The following INSR variants were observed in gnomAD, a reference collection of about 807,000 sequenced individuals.
INSR encodes the protein IR.
A neutral mutation model predicts 142.6 loss-of-function variants in INSR; 67 were observed. The observed-to-expected ratio is 0.47, with a 90% CI of 0.39 to 0.58. INSR has a LOEUF of 0.58. Ranked by LOEUF, INSR falls within the 20% of genes least tolerant of loss-of-function variation. INSR has a pLI of 0.00. For missense variants in INSR, 1,248 were observed against 1,833.2 expected (o/e 0.68, Z 5.83); for synonymous variants, 756 against 743.1 (o/e 1.02, Z -0.28).
At chr19:7,218,484 GT>G (rs1297122011) in intron 2 of INSR, among the ~76,000 whole-genome samples, 3 of 152,036 alleles carry the variant, frequency 2.0e-5, no homozygotes, top group Non-Finnish European at 4.4e-5. Context: ...CTTGCCTCTT[GT>G]TTTTTGTTTT....
Position 7,273,723 on chromosome 19 carries a change from G to T in INSR, c.101-5827C>A, listed in dbSNP as rs369825576. ...AGTAGAGATGGGATTTCATCATGTT[G>T]GCCAGGCTGGTCTCGAACTCTGACC... On this transcript the variant is annotated intron_variant, in intron 1 of 21. Transcript: ENST00000302850. 1.3e-4 allele frequency among the ~76,000 whole-genome samples: 19 copies of T among 151,652 alleles called. No individual in the cohort carries two copies. In the East Asian group the frequency reaches 1.8e-3, roughly 14 times the overall value.
chr19:7,118,587 G>A (rs1016463040), intron 21 of INSR, among the ~76,000 whole-genome samples: 4 of 151,798 alleles, frequency 2.6e-5, no homozygotes, highest in African/African-American at 9.7e-5. Context: ...AAATTGCTTG[G>A]GATTACAGGC....
chr19:7,217,206 T>G (rs1975462740), intron 2 of INSR, among the ~76,000 whole-genome samples: 1 of 152,108 alleles, frequency 6.6e-6, no homozygotes, highest in Non-Finnish European at 1.5e-5. Context: ...GTTACAAAGG[T>G]TGGTTCCTTC....
At chr19:7,277,598 G>A (rs981165059) in intron 1 of INSR, among the ~76,000 whole-genome samples, 1 of 152,082 alleles carries the variant, frequency 6.6e-6, no homozygotes, top group South Asian at 2.1e-4. Context: ...GGGAGTTCAA[G>A]ACCAGCCTGG....
chr19:7,147,019 A>G (rs1973201955), intron 11 of INSR, among the ~76,000 whole-genome samples: 1 of 152,096 alleles, frequency 6.6e-6, no homozygotes, highest in Non-Finnish European at 1.5e-5. Flanking sequence ...TAATTTATCA[A>G]TCCATTTAAG....
rs137913471 is a variant in INSR, at chr19:7,119,764, A to G, written c.3660-181T>C. Among the ~76,000 whole-genome samples, 1,730 of 133,140 alleles carry G rather than the reference A, an allele frequency of 0.013. 26 individuals carry two copies. Among genetic ancestry groups the G allele is most frequent in the African/African-American group, 0.05 (1,606 of 32,106 alleles). 87.3% of individuals were successfully genotyped at this position (133,140 alleles called of 152,430 possible). On this transcript the variant is annotated intron_variant, in intron 20 of 21. Transcript: ENST00000302850. This position sits in a 1 kb window ranked among gnomAD's most constrained non-coding sequence, Gnocchi z 5.2. Reference sequence around the variant, plus strand: ...CACGTGCACACACATGCAAATACACACAAACACGCATGCGCACACATGCAC... The same window carrying G: ...CACGTGCACACACATGCAAATACACGCAAACACGCATGCGCACACATGCAC...
intron 1 of INSR, among the ~76,000 whole-genome samples, chr19:7,281,643 C>T (rs1386032593): frequency 2.0e-5 from 3 of 151,878 alleles, no homozygotes; most frequent in East Asian, 1.9e-4. Context: ...ATCACACCAC[C>T]GCACTCCAGC....
chr19:7,294,127 G>C lies in INSR; in HGVS notation c.-236C>G. On this transcript the variant is annotated 5_prime_UTR_variant, in exon 1 of 22. Coordinates refer to ENST00000302850, the MANE Select transcript of INSR (RefSeq NM_000208.4). The stretch of plus-strand genomic sequence containing the variant: ...CGGAGGCCCTTGCGGTGGTGGCCCC[G>C]ACCCCCCGGCCGCTGCGGCCCGGGC... 4.6e-6 allele frequency: 1 copy of C among 218,338 alleles called. No individual in the cohort carries two copies. Among genetic ancestry groups the C allele is most frequent in the Admixed American group, 6.0e-5 (1 of 16,540 alleles). 13.5% of individuals were successfully genotyped at this position (218,338 alleles called of 1,614,324 possible).
chr19:7,217,720 T>G (rs898497997), intron 2 of INSR, among the ~76,000 whole-genome samples: 1 of 152,124 alleles, frequency 6.6e-6, no homozygotes, highest in Non-Finnish European at 1.5e-5. Flanking sequence ...CCACCACACC[T>G]GGCTAATTTT....
At chr19:7,210,198 A>G (rs1013874947) in intron 2 of INSR, among the ~76,000 whole-genome samples, 1 of 152,016 alleles carries the variant, frequency 6.6e-6, no homozygotes, top group Non-Finnish European at 1.5e-5. Context: ...TACAAAAATT[A>G]GTCAGGTGTG....
intron 2 of INSR, among the ~76,000 whole-genome samples, chr19:7,257,550 A>T (rs1353008669): frequency 6.6e-6 from 1 of 151,336 alleles, no homozygotes; most frequent in African/African-American, 2.4e-5. Context: ...AAAAAATGCT[A>T]ATCATCTGAG....
chr19:7,128,806 A>G, intron 15 of INSR, 46 bp downstream of exon 15: 1 of 1,351,656 alleles, frequency 7.4e-7, no homozygotes, highest in South Asian at 1.2e-5. Flanking sequence ...GTTTTCCCCC[A>G]GAGAACCAAC....
chr19:7,193,728 C>T (rs1346845303), intron 2 of INSR, among the ~76,000 whole-genome samples: 1 of 151,940 alleles, frequency 6.6e-6, no homozygotes, highest in Non-Finnish European at 1.5e-5. Context: ...CTCACTCTGT[C>T]GCCCAGGCTG....
At position 7,172,334 on chromosome 19, in the gene INSR, G is replaced by A; in HGVS notation, c.1224C>T (p.Phe408=). 2 of 1,614,158 alleles carry A rather than the reference G, an allele frequency of 1.2e-6. No individual in the cohort carries two copies. The highest frequency in any genetic ancestry group is 1.7e-6 in the Non-Finnish European group (2 of 1,180,030). ...CTCGAATCAGACGTAACTTCCGGAAGAAGGAAAGTGACACCAGAGCGTAGG... is the reference window on the plus strand; with the variant it reads ...CTCGAATCAGACGTAACTTCCGGAAAAAGGAAAGTGACACCAGAGCGTAGG... ...RRSYALVSLS[F]FRKLRLIRGE... is the part of the protein sequence containing the mutation. Residue 408 remains phenylalanine (F), a synonymous_variant, in exon 5 of 22, where the codon TTC becomes TTT. Transcript: ENST00000302850.
chr19:7,217,724 TA>T (rs1250155445), intron 2 of INSR, among the ~76,000 whole-genome samples: 1 of 152,152 alleles, frequency 6.6e-6, no homozygotes, highest in Non-Finnish European at 1.5e-5. Context: ...CACACCTGGC[TA>T]ATTTTTTGTA....
chr19:7,238,438 G>T lies in INSR; in HGVS notation c.652+28907C>A, dbSNP rs777834532. On this transcript the variant is annotated intron_variant, in intron 2 of 21. Transcript: ENST00000302850. ...AGTTCAAGACCAGCCTGGCCAACAT[G>T]GTGAAACCCCATCTCTACTAAAAAA... is the stretch of plus-strand genomic sequence containing the variant. 3.1e-4 allele frequency among the ~76,000 whole-genome samples: 47 copies of T among 151,970 alleles called. 1 individual carries two copies. The Middle Eastern group carries it at 0.031, about 99-fold the overall frequency.
chr19:7,253,096 A>G (rs1976780496), intron 2 of INSR, among the ~76,000 whole-genome samples: 1 of 142,812 alleles, frequency 7.0e-6, no homozygotes, highest in Non-Finnish European at 1.5e-5. Flanking sequence ...GCCTGGTGAC[A>G]GAGTGAGACT....
chr19:7,250,449 AAAGAAAAGG>A (rs1476973453), intron 2 of INSR, among the ~76,000 whole-genome samples: 6 of 85,818 alleles, frequency 7.0e-5, no homozygotes, highest in Non-Finnish European at 1.9e-4. Context: ...AAGAAAGAAG[AAAGAAAAGG>A]AAGAAAAGAA....
chr19:7,258,473 G>T (rs1976962130), intron 2 of INSR, among the ~76,000 whole-genome samples: 1 of 147,870 alleles, frequency 6.8e-6, no homozygotes, highest in Admixed American at 6.7e-5. Flanking sequence ...GCAGCTGGCG[G>T]ACTGGATTTG....
Sources: allele counts gnomAD v4.1 joint callset (sites outside exome capture counted in the v4.1 genomes callset), GRCh38; gene constraint gnomAD v4.1.1; non-coding constraint Gnocchi (gnomAD v3.1); transcripts MANE v1.5; gene names NCBI Gene and HGNC (gene_info 2026-07-23, HGNC 2026-07-21).